EPM2A: variants seen among roughly 807,000 people sequenced by gnomAD.
The protein encoded by EPM2A is EPM2A glucan phosphatase, laforin.
In EPM2A, 21 loss-of-function variants were observed where a neutral mutation model predicts 26.5. That is an observed-to-expected ratio of 0.79 (90% CI 0.56 to 1.14). The LOEUF (loss-of-function observed/expected upper bound fraction) is 1.14. Among genes scored for constraint, EPM2A ranks in the 50% most tolerant of loss-of-function variants. The probability of loss-of-function intolerance (pLI) is 0.00; values close to 1 mark genes in which losing one functional copy is unlikely to be tolerated. For synonymous variants in EPM2A, 217 were observed against 177.6 expected (o/e 1.22, Z -1.76); for missense variants, 458 against 440.8 (o/e 1.04, Z -0.35).
intron 2 of EPM2A, chr6:145,671,011 C>T: frequency 1.0e-6 from 1 of 985,104 alleles, no homozygotes; most frequent in African/African-American, 1.7e-5. Context: ...AATCTCAAAT[C>T]ATTGAATCAG....
At chr6:145,572,045 T>C (rs751614558) in intron 2 of EPM2A, among the ~76,000 whole-genome samples, 2 of 152,322 alleles carry the variant, frequency 1.3e-5, no homozygotes, top group Non-Finnish European at 2.9e-5. Context: ...AGCCAAACCA[T>C]TGGCTACAGT....
At chr6:145,437,946 T>C (rs756844511) in intron 4 of EPM2A, among the ~76,000 whole-genome samples, 8 of 152,324 alleles carry the variant, frequency 5.3e-5, no homozygotes, top group South Asian at 4.1e-4. Flanking sequence ...GAAATCAGAA[T>C]GCAAATTATA....
At chr6:145,662,512 T>A (rs1778794890) in intron 2 of EPM2A, among the ~76,000 whole-genome samples, 1 of 152,176 alleles carries the variant, frequency 6.6e-6, no homozygotes, top group Admixed American at 6.5e-5. Context: ...TTATGACTGA[T>A]CATGATAGGT....
At position 145,735,343 on chromosome 6, in the gene EPM2A, C is replaced by T. The variant is rs1196934711; in HGVS notation, c.156G>A (p.Leu52=). 4 of 1,330,146 alleles carry T rather than the reference C, an allele frequency of 3.0e-6. No homozygotes were observed. The highest frequency in any genetic ancestry group is 2.8e-5 in the Admixed American group (1 of 35,392). 82.4% of individuals were successfully genotyped at this position (1,330,146 alleles called of 1,614,324 possible). A position where few individuals can be genotyped will look rare whatever the true frequency, so the allele number is the denominator to read the frequency against. The change falls in exon 1 of 4, where the codon CTG becomes CTA. Residue 52 remains leucine, a synonymous_variant. Transcript: ENST00000367519. ...PAGTAAGDGA[L]ALQEPGLWLG... Reference sequence around the variant, plus strand: ...GCCACAGGCCCGGCTCCTGCAGGGCCAGGGCCCCGTCGCCCGCCGCGGTGC... The same window carrying T: ...GCCACAGGCCCGGCTCCTGCAGGGCTAGGGCCCCGTCGCCCGCCGCGGTGC...
At chr6:145,727,644 T>A (rs148198451) in intron 1 of EPM2A, among the ~76,000 whole-genome samples, 21 of 152,160 alleles carry the variant, frequency 1.4e-4, no homozygotes, top group Non-Finnish European at 2.4e-4. Flanking sequence ...ACTCATAGAG[T>A]TTACAATCTG....
chr6:145,639,201 T>C (rs1776905815), intron 2 of EPM2A: 1 of 152,208 alleles, frequency 6.6e-6, no homozygotes, highest in Admixed American at 6.5e-5. Flanking sequence ...CAGAGACTTG[T>C]TTCATAAATA....
chr6:145,437,281 T>C (rs1479465737), intron 4 of EPM2A, among the ~76,000 whole-genome samples: 4 of 152,046 alleles, frequency 2.6e-5, no homozygotes. Flanking sequence ...TCTCCCATGA[T>C]TGTAAGTTTC....
intron 4 of EPM2A, among the ~76,000 whole-genome samples, chr6:145,452,745 G>A (rs1476555273): frequency 6.6e-6 from 1 of 151,254 alleles, no homozygotes; most frequent in Non-Finnish European, 1.5e-5. Flanking sequence ...ATATTTTCAA[G>A]TAATGTTTGA....
rs1202568450 is a variant in EPM2A, at chr6:145,385,390, A to AAAAAAAT, written c.556-1300_556-1294dup. Reference sequence around the variant, plus strand: ...CATCTCAACAATGGCTGGGTTGTTGAAAAAAATAAAAAATAAAAAAAGGTC... The same window carrying AAAAAAAT: ...CATCTCAACAATGGCTGGGTTGTTGAAAAAAATAAAAAATAAAAAATAAAAAAAGGTC... On this transcript the variant is annotated intron_variant, in intron 4 of 4. Coordinates refer to the EPM2A transcript ENST00000638717. 4.6e-5 allele frequency among the ~76,000 whole-genome samples: 7 copies of AAAAAAAT among 152,036 alleles called. No individual in the cohort carries two copies. In the South Asian group the frequency reaches 1.2e-3, roughly 27 times the overall value.
intron 4 of EPM2A, among the ~76,000 whole-genome samples, chr6:145,437,680 C>A (rs1276937130): frequency 6.6e-6 from 1 of 152,132 alleles, no homozygotes; most frequent in East Asian, 1.9e-4. Flanking sequence ...TAAACCACCA[C>A]CATCAAAAGC....
At chr6:145,415,947 T>C (rs1207030505) in intron 4 of EPM2A, among the ~76,000 whole-genome samples, 1 of 152,200 alleles carries the variant, frequency 6.6e-6, no homozygotes, top group Non-Finnish European at 1.5e-5. Context: ...TTCTTTAGAC[T>C]GGACACAGTC....
At chr6:145,438,451 T>TAATAATAAAAGGCAGGCCAGGTGTGGTGG in intron 4 of EPM2A, among the ~76,000 whole-genome samples, 1 of 142,992 alleles carries the variant, frequency 7.0e-6, no homozygotes, top group East Asian at 2.1e-4. Flanking sequence ...CAGTGTAGAT[T>TAATAATAAAAGGCAGGCCAGGTGTGGTGG]CTCCTGAGAA....
intron 4 of EPM2A, among the ~76,000 whole-genome samples, chr6:145,390,077 TA>T (rs1778317261): frequency 6.6e-6 from 1 of 152,198 alleles, no homozygotes; most frequent in Non-Finnish European, 1.5e-5. Flanking sequence ...AGATTTATCT[TA>T]AGAAACTGGC....
chr6:145,553,385 T>C (rs1780680843), intron 2 of EPM2A, among the ~76,000 whole-genome samples: 1 of 152,098 alleles, frequency 6.6e-6, no homozygotes, highest in Non-Finnish European at 1.5e-5. Context: ...GAACCTTTAT[T>C]CCCATGCTCC....
At chr6:145,675,844 C>G (rs1258601511) in intron 2 of EPM2A, among the ~76,000 whole-genome samples, 1 of 152,108 alleles carries the variant, frequency 6.6e-6, no homozygotes, top group Non-Finnish European at 1.5e-5. Context: ...GAGACTTTAA[C>G]ACCCCACTGT....
chr6:145,629,054 A>C (rs1301596322), intron 3 of EPM2A: 2 of 152,328 alleles, frequency 1.3e-5, no homozygotes, highest in African/African-American at 4.8e-5. Context: ...TCCACATGGA[A>C]GCCAGGATAA....
rs1247181787 is a variant in EPM2A at position 145,664,023 on chromosome 6, A to C, written c.476+22099T>G. On this transcript the variant is annotated intron_variant, in intron 2 of 3. Transcript: ENST00000367519. ...AGAGCTCCTGAAGGAAGCGCTAAAC[A>C]TCGAAAGGAAAAACCGGTACCAGCC... Among the ~76,000 whole-genome samples, 2 of 83,074 alleles carry C rather than the reference A, an allele frequency of 2.4e-5. 1 individual carries two copies. The highest frequency in any genetic ancestry group is 1.2e-4 in the African/African-American group (2 of 17,050). The allele number at this position is 83,074 out of a possible 152,430, so 54.5% of individuals were successfully genotyped here.
intron 2 of EPM2A, among the ~76,000 whole-genome samples, chr6:145,579,040 T>A (rs1781075802): frequency 6.6e-6 from 1 of 152,000 alleles, no homozygotes; most frequent in Admixed American, 6.6e-5. Context: ...TTAGGAGATA[T>A]ACCTAATGTT....
intron 4 of EPM2A, among the ~76,000 whole-genome samples, chr6:145,399,254 C>A (rs140619003): frequency 6.6e-6 from 1 of 152,160 alleles, no homozygotes; most frequent in African/African-American, 2.4e-5. Flanking sequence ...AACTTTGGGA[C>A]TATCACTTGC....
Sources: gnomAD v4.1 joint callset for allele counts (sites outside exome capture counted in the v4.1 genomes callset) on GRCh38, gnomAD v4.1.1 for gene constraint, MANE v1.5 for transcripts, NCBI Gene and HGNC (gene_info 2026-07-23, HGNC 2026-07-21) for gene names.